ERBIN: variants seen among roughly 807,000 people sequenced by gnomAD.
ERBIN encodes erbb2 interacting protein.
A neutral mutation model predicts 158.4 loss-of-function variants in ERBIN; 60 were observed. The observed-to-expected ratio is 0.38, with a 90% CI of 0.31 to 0.47. The LOEUF is 0.47. Ranked by LOEUF, ERBIN falls within the 20% of genes least tolerant of loss-of-function variation. ERBIN has a pLI of 0.99. For missense variants in ERBIN, 1,610 were observed against 1,648.0 expected (o/e 0.98, Z 0.40); for synonymous variants, 594 against 557.2 (o/e 1.07, Z -0.93).
rs981105805 is a variant in ERBIN at position 66,032,201 on chromosome 5, A to G, written c.1206+3858A>G. On this transcript the variant is annotated intron_variant, in intron 14 of 25. Coordinates refer to ENST00000284037, the MANE Select transcript of ERBIN (RefSeq NM_001253697.2). ...AAGGCAGATAGAGATCAGTTGGTGG[A>G]GGATCTTCTATGCCATGCAGAGGAA... is the stretch of plus-strand genomic sequence containing the variant. 6.6e-5 allele frequency among the ~76,000 whole-genome samples: 10 copies of G among 152,204 alleles called. No individual in the cohort carries two copies. In the East Asian group the frequency reaches 1.9e-3, roughly 29 times the overall value.
chr5:65,989,640 T>C (rs1751657662), intron 2 of ERBIN, among the ~76,000 whole-genome samples: 1 of 152,220 alleles, frequency 6.6e-6, no homozygotes, highest in Non-Finnish European at 1.5e-5. Context: ...ACCCTATAAA[T>C]TGTCTTATAT....
At chr5:65,951,395 G>C (rs1198252823) in intron 1 of ERBIN, among the ~76,000 whole-genome samples, 1 of 152,090 alleles carries the variant, frequency 6.6e-6, no homozygotes, top group South Asian at 2.1e-4. Flanking sequence ...AGTATTATGT[G>C]AATGAAAAAA....
chr5:65,998,614 T>G (rs986804263), intron 4 of ERBIN, among the ~76,000 whole-genome samples: 7 of 152,094 alleles, frequency 4.6e-5, no homozygotes, highest in African/African-American at 1.4e-4. Context: ...TAAAAATTTT[T>G]GGCCAGGCCC....
At chr5:66,042,604 A>T (rs971239452) in intron 15 of ERBIN, among the ~76,000 whole-genome samples, 1 of 152,116 alleles carries the variant, frequency 6.6e-6, no homozygotes, top group South Asian at 2.1e-4. Context: ...TGTTCACCCT[A>T]TATATCTGAT....
intron 22 of ERBIN, among the ~76,000 whole-genome samples, chr5:66,072,989 A>T (rs1182302494): frequency 1.3e-5 from 2 of 152,204 alleles, no homozygotes; most frequent in Admixed American, 6.5e-5. Context: ...TTCATCTAAT[A>T]TATAAGTTCT....
chr5:66,005,765 A>G (rs921372259), intron 4 of ERBIN, among the ~76,000 whole-genome samples: 8 of 152,242 alleles, frequency 5.3e-5, no homozygotes, highest in African/African-American at 1.9e-4. Flanking sequence ...ACAGACAAAC[A>G]GCCAAATCAT....
intron 3 of ERBIN, among the ~76,000 whole-genome samples, chr5:65,993,319 T>A (rs1469561253): frequency 1.3e-5 from 2 of 152,260 alleles, no homozygotes; most frequent in African/African-American, 4.8e-5. Context: ...ATAATTTTAT[T>A]GTTAAACAGC....
intron 22 of ERBIN, 72 bp downstream of exon 22, chr5:66,072,363 A>T (rs1175929688): frequency 1.4e-6 from 2 of 1,453,406 alleles, no homozygotes; most frequent in Admixed American, 4.9e-5. Flanking sequence ...ACTAGATATT[A>T]TATGTGCTTT....
chr5:66,043,386 G>A (rs1758107344), intron 16 of ERBIN, among the ~76,000 whole-genome samples, 188 bp downstream of exon 16: 1 of 152,126 alleles, frequency 6.6e-6, no homozygotes, highest in African/African-American at 2.4e-5. Context: ...ATAAAACTAT[G>A]TGATTTAAAG....
Position 66,025,359 on chromosome 5 carries a change from A to G in ERBIN, c.818-121A>G, listed in dbSNP as rs1756126148. The stretch of plus-strand genomic sequence containing the variant: ...GGATTGGGAGTGGTATCTCTTTTAG[A>G]TACGTTTGTTAGGAAAGTTGTTTCT... On this transcript the variant is annotated intron_variant, in intron 10 of 25. Coordinates refer to ENST00000284037, the MANE Select transcript of ERBIN (RefSeq NM_001253697.2). 7.9e-6 allele frequency: 6 copies of G among 756,354 alleles called. 1 individual carries two copies. The highest frequency in any genetic ancestry group is 5.2e-5 in the African/African-American group (3 of 57,952). The allele number at this position is 756,354 out of a possible 1,614,324, so 46.9% of individuals were successfully genotyped here. A position where few individuals can be genotyped will look rare whatever the true frequency, so the allele number is the denominator to read the frequency against.
intron 4 of ERBIN, among the ~76,000 whole-genome samples, chr5:66,003,448 TGG>T (rs770350947): frequency 2.0e-5 from 3 of 151,992 alleles, no homozygotes; most frequent in African/African-American, 7.3e-5. Context: ...TGTCAAGAAG[TGG>T]GGTAATTCTA....
At chr5:65,956,766 C>G (rs1747194027) in intron 1 of ERBIN, among the ~76,000 whole-genome samples, 2 of 152,008 alleles carry the variant, frequency 1.3e-5, no homozygotes. Flanking sequence ...GAAGAATCTG[C>G]TCTAGTCTGC....
At chr5:66,028,509 A>G (rs1039174353) in intron 14 of ERBIN, among the ~76,000 whole-genome samples, 166 bp downstream of exon 14, 1 of 152,200 alleles carries the variant, frequency 6.6e-6, no homozygotes, top group African/African-American at 2.4e-5. Context: ...GATACTTTTT[A>G]TAAAATAGGT....
chr5:65,964,468 G>A (rs1023634071), intron 1 of ERBIN, among the ~76,000 whole-genome samples: 1 of 152,192 alleles, frequency 6.6e-6, no homozygotes, highest in Non-Finnish European at 1.5e-5. Flanking sequence ...AACAGGCAGT[G>A]TAGTTTGGTA....
At chr5:65,998,361 T>G (rs1438813054) in intron 4 of ERBIN, among the ~76,000 whole-genome samples, 1 of 151,442 alleles carries the variant, frequency 6.6e-6, no homozygotes, top group Non-Finnish European at 1.5e-5. Flanking sequence ...GTTTTAAGGA[T>G]TTATTATTTG....
intron 7 of ERBIN, among the ~76,000 whole-genome samples, chr5:66,018,741 A>G (rs1755341760): frequency 6.8e-6 from 1 of 146,782 alleles, no homozygotes; most frequent in African/African-American, 2.5e-5. Flanking sequence ...GGTCCACGCC[A>G]TTCTCCTGCC....
At chr5:66,056,678 A>G (rs1759614524) in intron 21 of ERBIN, among the ~76,000 whole-genome samples, 1 of 152,100 alleles carries the variant, frequency 6.6e-6, no homozygotes, top group Non-Finnish European at 1.5e-5. Flanking sequence ...AACTAAAGAG[A>G]AGCCTTATGA....
intron 7 of ERBIN, among the ~76,000 whole-genome samples, chr5:66,015,135 T>C (rs181510351): frequency 6.6e-6 from 1 of 152,212 alleles, no homozygotes. Context: ...GGCTATGTAG[T>C]GTATTGTAAA....
chr5:65,951,061 GGACTGTAGCTGGATTCTATATAGA>G (rs1452413063), intron 1 of ERBIN, among the ~76,000 whole-genome samples: 1 of 152,120 alleles, frequency 6.6e-6, no homozygotes, highest in Non-Finnish European at 1.5e-5. Flanking sequence ...AGTGTGTGCT[GGACTGTAGCTGGATTCTATATAGA>G]GACTAAATGC....
Sources: allele counts gnomAD v4.1 joint callset (sites outside exome capture counted in the v4.1 genomes callset), GRCh38; gene constraint gnomAD v4.1.1; transcripts MANE v1.5; gene names NCBI Gene and HGNC (gene_info 2026-07-23, HGNC 2026-07-21).